MYH15: variants seen among roughly 807,000 people sequenced by gnomAD.
MYH15 encodes the protein myosin-15.
In MYH15, 227 loss-of-function variants were observed where a neutral mutation model predicts 240.5. The ratio of observed to expected loss-of-function variants is 0.94; its 90% confidence interval spans 0.85 to 1.05. The LOEUF (loss-of-function observed/expected upper bound fraction) is 1.05, where lower values mean the gene tolerates loss of function less well. MYH15 is among the 50% of genes least tolerant of loss of function. The pLI, the probability that MYH15 is intolerant of heterozygous loss-of-function variation, is 0.00. For synonymous variants in MYH15, 785 were observed against 796.7 expected (o/e 0.99, Z 0.25); for missense variants, 2,217 against 2,247.5 (o/e 0.99, Z 0.27).
At chr3:108,543,933 T>C in the MYH15 span, 1 of 64,084 alleles carries the variant, frequency 1.6e-5, no homozygotes, top group Non-Finnish European at 4.2e-5. Flanking sequence ...TCTCAACAGT[T>C]TTAAATTCCC....
rs1050601789 is a variant in MYH15 at position 108,482,000 on chromosome 3, G to A, written c.1114+3091C>T. ...GTGCAGAGCTATCCACCTATCCATC[G>A]TAGGCAAGGATGCAAGCAGGGAGAC... On this transcript the variant is annotated intron_variant, in intron 11 of 40. Coordinates refer to ENST00000693548, the MANE Select transcript of MYH15 (RefSeq NM_014981.3). Among the ~76,000 whole-genome samples, 12 of 152,162 alleles carry A rather than the reference G, an allele frequency of 7.9e-5. No individual in the cohort carries two copies. The East Asian group carries it at 2.1e-3, about 27-fold the overall frequency.
At chr3:108,410,303 G>T (rs2082578808) in intron 31 of MYH15, among the ~76,000 whole-genome samples, 1 of 152,118 alleles carries the variant, frequency 6.6e-6, no homozygotes, top group East Asian at 1.9e-4. Context: ...TAGCACACAT[G>T]GAAAATCTTG....
At chr3:108,394,226 G>A in intron 35 of MYH15, 70 bp from the exon 36 acceptor site, 1 of 1,594,638 alleles carries the variant, frequency 6.3e-7, no homozygotes, top group Non-Finnish European at 8.5e-7. Flanking sequence ...GTCTGTTCAG[G>A]ACATGCAATG....
At position 108,410,852 on chromosome 3, in the gene MYH15, G is replaced by T. The variant is rs2082587056; in HGVS notation, c.4226C>A (p.Ala1409Asp). 3 of 1,613,852 alleles carry T rather than the reference G, an allele frequency of 1.9e-6. No homozygotes were observed. The highest frequency in any genetic ancestry group is 2.5e-6 in the Non-Finnish European group (3 of 1,179,774). Residue 1409 changes from alanine to aspartate, a missense_variant, in exon 31 of 41, where the codon GCC becomes GAC. Ala to Asp is a moderately radical substitution (Grantham distance 126). Transcript: ENST00000693548. ...ANARNASLER[A>D]RHQLQLELGD... The stretch of plus-strand genomic sequence containing the variant: ...GAGCTCCAGCTGCAGCTGGTGCCTG[G>T]CTCTCTCCAAGGAGGCATTTCTGGC...
At chr3:108,422,971 C>T (rs2082694997) in intron 27 of MYH15, among the ~76,000 whole-genome samples, 1 of 152,150 alleles carries the variant, frequency 6.6e-6, no homozygotes, top group South Asian at 2.1e-4. Context: ...AGGACTTTTC[C>T]TTAGTTCAGC....
In MYH15 at chr3:108,398,746, G is replaced by C; in HGVS notation, c.5024C>G (p.Ser1675Cys). 6.2e-7 allele frequency: 1 copy of C among 1,614,208 alleles called. No individual in the cohort carries two copies. The highest frequency in any genetic ancestry group is 8.5e-7 in the Non-Finnish European group (1 of 1,180,048). The stretch of plus-strand genomic sequence containing the variant: ...CAGGGACCTTAGATCCTCTAGTTCA[G>C]ACTGAAGAAGAGAGTTGCGCCGCTC... Reference protein sequence around the residue: ...VAERRNSLLQSELEDLRSLQE... With the variant: ...VAERRNSLLQCELEDLRSLQE... Residue 1675 changes from serine (S) to cysteine (C), a missense_variant, in exon 35 of 41, where the codon TCT (serine) becomes TGT (cysteine). Physicochemically the swap from Ser to Cys is moderately radical, Grantham distance 112. Coordinates refer to ENST00000693548, the MANE Select transcript of MYH15 (RefSeq NM_014981.3).
intron 26 of MYH15, among the ~76,000 whole-genome samples, chr3:108,430,515 C>A (rs2082769821): frequency 6.6e-6 from 1 of 152,182 alleles, no homozygotes; most frequent in Non-Finnish European, 1.5e-5. Context: ...TATATTGTTG[C>A]ATTTAGTAAT....
intron 27 of MYH15, among the ~76,000 whole-genome samples, chr3:108,426,971 T>A (rs1322565925): frequency 6.6e-6 from 1 of 152,264 alleles, no homozygotes; most frequent in Non-Finnish European, 1.5e-5. Flanking sequence ...ACCTCTTTTT[T>A]CTTTCTGATT....
intron 17 of MYH15, among the ~76,000 whole-genome samples, chr3:108,459,943 C>T (rs1424017439): frequency 6.6e-6 from 1 of 152,120 alleles, no homozygotes; most frequent in Non-Finnish European, 1.5e-5. Context: ...AACACGAATG[C>T]ACCAATTGCA....
chr3:108,500,809 G>A (rs1432280329), intron 3 of MYH15, among the ~76,000 whole-genome samples: 1 of 152,216 alleles, frequency 6.6e-6, no homozygotes, highest in Non-Finnish European at 1.5e-5. Context: ...TCAAGATGAT[G>A]ACATCCAGGT....
At chr3:108,395,882 G>C (rs895951962) in intron 35 of MYH15, among the ~76,000 whole-genome samples, 1 of 152,072 alleles carries the variant, frequency 6.6e-6, no homozygotes, top group Non-Finnish European at 1.5e-5. Context: ...GTTTAGGTTG[G>C]GGAGAGGTCC....
chr3:108,507,471 A>G (rs2083487882), intron 1 of MYH15, among the ~76,000 whole-genome samples: 1 of 151,814 alleles, frequency 6.6e-6, no homozygotes, highest in Non-Finnish European at 1.5e-5. Context: ...CACCTCCAAT[A>G]TATGAGTCAC....
chr3:108,381,608 C>T, intron 40 of MYH15, 49 bp from the exon 41 acceptor site: 1 of 1,604,872 alleles, frequency 6.2e-7, no homozygotes, highest in Non-Finnish European at 8.5e-7. Context: ...GTGATTTTCA[C>T]CAGTGGAACA....
intron 11 of MYH15, 67 bp from the exon 12 acceptor site, chr3:108,476,582 G>T: frequency 9.7e-7 from 1 of 1,033,744 alleles, no homozygotes; most frequent in Non-Finnish European, 1.5e-6. Flanking sequence ...TTCCATTATA[G>T]CCAAACTAAC....
intron 23 of MYH15, 82 bp downstream of exon 23, chr3:108,440,936 G>A (rs1288002998): frequency 1.3e-6 from 2 of 1,536,644 alleles, no homozygotes; most frequent in Non-Finnish European, 1.8e-6. Context: ...AACTTGAATA[G>A]AGCAAGTCAG....
At position 108,384,675 on chromosome 3, in the gene MYH15, C is replaced by G; in HGVS notation, c.5631+12G>C. ...GGAAATCCATGAGGCTGAAACTTCC[C>G]CAGGCACTCACCGCCACCTCGACTT... On this transcript the variant is annotated intron_variant, in intron 39 of 40. Coordinates refer to ENST00000693548, the MANE Select transcript of MYH15 (RefSeq NM_014981.3). 6.2e-7 allele frequency: 1 copy of G among 1,610,514 alleles called. No homozygotes were observed. Among genetic ancestry groups the G allele is most frequent in the Non-Finnish European group, 8.5e-7 (1 of 1,177,244 alleles).
chr3:108,522,402 G>T (rs950610255), intron 1 of MYH15, among the ~76,000 whole-genome samples: 1 of 151,996 alleles, frequency 6.6e-6, no homozygotes, highest in African/African-American at 2.4e-5. Context: ...TTCTTCTCTG[G>T]GTTGAACAGA....
intron 27 of MYH15, among the ~76,000 whole-genome samples, chr3:108,427,973 T>C (rs545665802): frequency 1.3e-5 from 2 of 152,336 alleles, no homozygotes; most frequent in East Asian, 1.9e-4. Context: ...GCTTGCAGCA[T>C]ATAGGCTAAT....
Position 108,428,886 on chromosome 3 carries a change from A to G in MYH15, c.3313-5T>C. ...TTTCAAATCCTTTATTTGAGTCTGT[A>G]GCAAGAAATAATTTTGACTTTTACT... On this transcript the variant is annotated splice_polypyrimidine_tract_variant and splice_region_variant and intron_variant, in intron 26 of 40. Coordinates refer to ENST00000693548, the MANE Select transcript of MYH15 (RefSeq NM_014981.3). 3 of 1,586,166 alleles carry G rather than the reference A, an allele frequency of 1.9e-6. No homozygotes were observed. Among genetic ancestry groups the G allele is most frequent in the Non-Finnish European group, 2.6e-6 (3 of 1,170,716 alleles).
Sources: gnomAD v4.1 joint callset for allele counts (sites outside exome capture counted in the v4.1 genomes callset) on GRCh38, gnomAD v4.1.1 for gene constraint, MANE v1.5 for transcripts, NCBI Gene and HGNC (gene_info 2026-07-23, HGNC 2026-07-21) for gene names.